AGAP1: variants seen among roughly 807,000 people sequenced by gnomAD.
AGAP1 encodes ArfGAP with GTPase domain, ankyrin repeat and PH domain 1.
In AGAP1, 29 loss-of-function variants were observed where a neutral mutation model predicts 105.3. The ratio of observed to expected loss-of-function variants is 0.28; its 90% confidence interval spans 0.21 to 0.38. The LOEUF (loss-of-function observed/expected upper bound fraction) is 0.38, where lower values mean the gene tolerates loss of function less well. Among genes scored for constraint, AGAP1 ranks in the 10% least tolerant of loss-of-function variants. The pLI, the probability that AGAP1 is intolerant of heterozygous loss-of-function variation, is 1.00. For missense variants in AGAP1, 998 were observed against 1,165.1 expected, an observed-to-expected ratio of 0.86 and a Z score of 2.09; for synonymous variants, 509 against 485.9, an observed-to-expected ratio of 1.05 and a Z score of -0.63.
At chr2:235,644,326 G>A (rs991179505) in intron 1 of AGAP1, among the ~76,000 whole-genome samples, 17 of 152,186 alleles carry the variant, frequency 1.1e-4, no homozygotes, top group African/African-American at 4.1e-4. Context: ...TCTCTGTCCC[G>A]TTCACTGTCA....
At chr2:236,117,107 A>G (rs1397580169) in intron 16 of AGAP1, among the ~76,000 whole-genome samples, 1 of 152,118 alleles carries the variant, frequency 6.6e-6, no homozygotes, top group Admixed American at 6.5e-5. Flanking sequence ...TTTTCCTCTG[A>G]GTGGGTACAG....
Position 235,601,674 on chromosome 2 carries a change from G to T in AGAP1, c.163+106825G>T, listed in dbSNP as rs749374106. On this transcript the variant is annotated intron_variant, in intron 1 of 17. Coordinates refer to ENST00000304032, the MANE Select transcript of AGAP1 (RefSeq NM_001037131.3). The surrounding 1 kb of genome is among the most constrained non-coding windows in gnomAD (Gnocchi z 4.4). ...AGCCACAATTCAAGATGAGATTTGG[G>T]TGGGGACACAGCCAAACCATATCAC... 6.6e-6 allele frequency among the ~76,000 whole-genome samples: 1 copy of T among 152,162 alleles called. No individual in the cohort carries two copies. The highest frequency in any genetic ancestry group is 1.5e-5 in the Non-Finnish European group (1 of 68,042).
rs185287218 is a variant in AGAP1, at chr2:236,087,879, C to G, written c.2115-32313C>G. Reference sequence around the variant, plus strand: ...AGGAGGAGACGTTACAGCAGGTCCTCTCTGGTTGGGACCTGCTTAAAGATG... The same window carrying G: ...AGGAGGAGACGTTACAGCAGGTCCTGTCTGGTTGGGACCTGCTTAAAGATG... On this transcript the variant is annotated intron_variant, in intron 16 of 17. Transcript: ENST00000304032. The surrounding 1 kb of genome is among the most constrained non-coding windows in gnomAD (Gnocchi z 5.7). 7.9e-5 allele frequency among the ~76,000 whole-genome samples: 12 copies of G among 152,278 alleles called. No homozygotes were observed. The highest frequency in any genetic ancestry group is 7.8e-4 in the Admixed American group (12 of 15,294).
At chr2:235,505,363 C>G (rs771770550) in intron 1 of AGAP1, among the ~76,000 whole-genome samples, 3 of 152,154 alleles carry the variant, frequency 2.0e-5, no homozygotes, top group African/African-American at 7.2e-5. Context: ...GAAGGACACG[C>G]GGGGCCATGG....
Position 235,773,155 on chromosome 2 carries a change from G to T in AGAP1, c.673+22667G>T, listed in dbSNP as rs1955588749. ...GGGTGGGAGCAGCCGGAGCATAGGG[G>T]CTCAAGAACCCAGTAACAGAATTTT... On this transcript the variant is annotated intron_variant, in intron 6 of 17. Transcript: ENST00000304032. 2.6e-5 allele frequency among the ~76,000 whole-genome samples: 4 copies of T among 152,266 alleles called. No individual in the cohort carries two copies. The South Asian group carries it at 8.3e-4, about 32-fold the overall frequency.
chr2:235,544,471 C>T (rs538816946), intron 1 of AGAP1, among the ~76,000 whole-genome samples: 1 of 152,214 alleles, frequency 6.6e-6, no homozygotes, highest in East Asian at 1.9e-4. Context: ...AGCATCTGAA[C>T]CTTCCCGTGG....
chr2:235,873,755 TCTTA>T (rs1309881780), intron 9 of AGAP1, among the ~76,000 whole-genome samples: 1 of 152,162 alleles, frequency 6.6e-6, no homozygotes, highest in Non-Finnish European at 1.5e-5. Flanking sequence ...TGAGACGAGG[TCTTA>T]CTTTGTCACC....
chr2:235,921,484 A>AT (rs1473173510), intron 11 of AGAP1, among the ~76,000 whole-genome samples: 2 of 152,208 alleles, frequency 1.3e-5, no homozygotes, highest in African/African-American at 2.4e-5. Flanking sequence ...GGCCCCCATT[A>AT]TTTTTTTCCT....
In AGAP1 at chr2:235,891,262, A is replaced by G. The variant is rs1355991821; in HGVS notation, c.1155+7813A>G. 6.6e-6 allele frequency among the ~76,000 whole-genome samples: 1 copy of G among 152,182 alleles called. No homozygotes were observed. The highest frequency in any genetic ancestry group is 1.5e-5 in the Non-Finnish European group (1 of 68,038). On this transcript the variant is annotated intron_variant, in intron 10 of 17. Coordinates refer to ENST00000304032, the MANE Select transcript of AGAP1 (RefSeq NM_001037131.3). The surrounding 1 kb of genome is among the most constrained non-coding windows in gnomAD (Gnocchi z 4.2). The stretch of plus-strand genomic sequence containing the variant: ...CCCTAAACATTTAAATAAGACTGAC[A>G]CGGTCAAAGCAAGCACGCTGGCTGA...
chr2:235,647,120 CAAAAA>C (rs72255791), intron 1 of AGAP1, among the ~76,000 whole-genome samples: 1 of 117,618 alleles, frequency 8.5e-6, no homozygotes. Context: ...GACTCCGTCT[CAAAAA>C]AAAAAAAAAA....
In AGAP1 at chr2:235,553,334, G is replaced by GT. The variant is rs533516847; in HGVS notation, c.163+58494dup. 3.8e-4 allele frequency among the ~76,000 whole-genome samples: 58 copies of GT among 150,970 alleles called. 1 individual carries two copies. In the South Asian group the frequency reaches 5.1e-3, roughly 13 times the overall value. The stretch of plus-strand genomic sequence containing the variant: ...GGCAGTGGGGGTCAGAGGAAGTTGG[G>GT]TTTTTTTTTGTCTTGGTCAGGTCAC... On this transcript the variant is annotated intron_variant, in intron 1 of 17. Transcript: ENST00000304032. The surrounding 1 kb of genome is among the most constrained non-coding windows in gnomAD (Gnocchi z 4.5).
intron 9 of AGAP1, among the ~76,000 whole-genome samples, chr2:235,876,652 C>T (rs1384332460): frequency 2.0e-5 from 3 of 152,200 alleles, no homozygotes; most frequent in Non-Finnish European, 4.4e-5. Flanking sequence ...CACTGGGCCA[C>T]GACAACTAAA....
chr2:235,566,730 A>G lies in AGAP1; in HGVS notation c.163+71881A>G. ...TTCAGGCAGGAAGTTGTTGGGGTTA[A>G]CATGAGTGGACCCTAGATTTCCCTG... On this transcript the variant is annotated intron_variant, in intron 1 of 17. Coordinates refer to ENST00000304032, the MANE Select transcript of AGAP1 (RefSeq NM_001037131.3). The surrounding 1 kb of genome is among the most constrained non-coding windows in gnomAD (Gnocchi z 5.2). The G allele has an allele frequency of 3.9e-6, 2 of 508,484 alleles. No homozygotes were observed. The highest frequency in any genetic ancestry group is 5.1e-6 in the Non-Finnish European group (2 of 394,086). The allele number at this position is 508,484 out of a possible 1,614,324, so 31.5% of individuals were successfully genotyped here.
intron 1 of AGAP1, among the ~76,000 whole-genome samples, chr2:235,499,264 T>C (rs576677437): frequency 6.6e-6 from 1 of 152,316 alleles, no homozygotes; most frequent in South Asian, 2.1e-4. Flanking sequence ...GCAAGAGGGT[T>C]TGAGAAGGCC....
chr2:235,524,017 G>T (rs946187967), intron 1 of AGAP1, among the ~76,000 whole-genome samples: 1 of 152,236 alleles, frequency 6.6e-6, no homozygotes, highest in Non-Finnish European at 1.5e-5. Flanking sequence ...CAGGGTGTGG[G>T]ATTGTGCCCG....
At position 235,740,616 on chromosome 2, in the gene AGAP1, A is replaced by C. The variant is rs1196628006; in HGVS notation, c.311-347A>C. 6.6e-6 allele frequency among the ~76,000 whole-genome samples: 1 copy of C among 152,244 alleles called. No individual in the cohort carries two copies. Among genetic ancestry groups the C allele is most frequent in the Non-Finnish European group, 1.5e-5 (1 of 68,050 alleles). On this transcript the variant is annotated intron_variant, in intron 3 of 17. Transcript: ENST00000304032. The surrounding 1 kb of genome is among the most constrained non-coding windows in gnomAD (Gnocchi z 5.7). The stretch of plus-strand genomic sequence containing the variant: ...AAATTTGTTTCAGTTTTGTGAACCC[A>C]ACAAGAGAATGACAATTTTAATGTT...
At chr2:235,727,793 G>A (rs535211171) in intron 3 of AGAP1, among the ~76,000 whole-genome samples, 6 of 152,202 alleles carry the variant, frequency 3.9e-5, no homozygotes, top group East Asian at 1.9e-4. Flanking sequence ...TTTCTTAGGC[G>A]TAGCAGTCCA....
intron 1 of AGAP1, among the ~76,000 whole-genome samples, chr2:235,651,994 ACC>A (rs960142245): frequency 6.6e-6 from 1 of 152,082 alleles, no homozygotes; most frequent in Non-Finnish European, 1.5e-5. Flanking sequence ...GGTTTGGGGC[ACC>A]CCTTTTGTTT....
At chr2:235,687,487 G>A (rs1244366093) in intron 1 of AGAP1, among the ~76,000 whole-genome samples, 9 of 152,152 alleles carry the variant, frequency 5.9e-5, no homozygotes, top group East Asian at 3.9e-4. Flanking sequence ...TGTGTAAATC[G>A]TAATAGCCCT....
Sources: gnomAD v4.1 joint callset for allele counts (sites outside exome capture counted in the v4.1 genomes callset) on GRCh38, gnomAD v4.1.1 for gene constraint, Gnocchi (gnomAD v3.1) non-coding constraint, MANE v1.5 for transcripts, NCBI Gene and HGNC (gene_info 2026-07-23, HGNC 2026-07-21) for gene names.